B4GALNT1: variants seen among roughly 807,000 people sequenced by gnomAD.
The protein encoded by B4GALNT1 is beta-1,4 N-acetylgalactosaminyltransferase 1.
Under a neutral mutation model 55.2 loss-of-function variants are expected in B4GALNT1, and 43 were observed. The ratio of observed to expected loss-of-function variants is 0.78; its 90% CI spans 0.61 to 1.00. B4GALNT1 has a LOEUF of 1.00. Among genes scored for constraint, B4GALNT1 ranks in the 50% least tolerant of loss-of-function variants. The pLI, the probability that B4GALNT1 is intolerant of heterozygous loss-of-function variation, is 0.00. For missense variants in B4GALNT1, 664 were observed against 729.7 expected (o/e 0.91, Z 1.04); for synonymous variants, 305 against 311.6 (o/e 0.98, Z 0.22).
At position 57,630,250 on chromosome 12, in the gene B4GALNT1, T is replaced by G. The variant is rs1885110959; in HGVS notation, c.614A>C (p.Asp205Ala). 3 of 1,614,110 alleles carry G rather than the reference T, an allele frequency of 1.9e-6. No homozygotes were observed. The highest frequency in any genetic ancestry group is 2.5e-6 in the Non-Finnish European group (3 of 1,180,042). Residue 205 changes from aspartate to alanine, a missense_variant, in exon 6 of 11, where the codon GAT (aspartate) becomes GCT (alanine). Asp to Ala is a moderately radical substitution (Grantham distance 126). Transcript: ENST00000341156. ...GVTLTGEGQA[D>A]LTLVSPGLDQ... ...CAGCCCTGGGCTGACAAGGGTGAGA[T>G]CTGCCTGACCCTCTCCAGTGAGAGT... is the stretch of plus-strand genomic sequence containing the variant.
At chr12:57,631,162 T>TC in intron 3 of B4GALNT1, 38 bp downstream of exon 3, 1 of 1,613,294 alleles carries the variant, frequency 6.2e-7, no homozygotes, top group Non-Finnish European at 8.5e-7. Flanking sequence ...ATCACTGCTC[T>TC]CCCCCTGAGG....
chr12:57,623,760 TG>T lies in B4GALNT1; in HGVS notation c.*2983del. On this transcript the variant is annotated 3_prime_UTR_variant, in exon 11 of 11. Coordinates refer to ENST00000341156, the MANE Select transcript of B4GALNT1 (RefSeq NM_001478.5). ...GACTTCCGAGGAAGATTAGGCAGAG[TG>T]GGCAGGAAGACCAGCTCTCATGTGG... 1 of 1,257,718 alleles carries T rather than the reference TG, an allele frequency of 8.0e-7. No individual in the cohort carries two copies. Among genetic ancestry groups the T allele is most frequent in the Non-Finnish European group, 1.1e-6 (1 of 887,166 alleles). 77.9% of individuals were successfully genotyped at this position (1,257,718 alleles called of 1,614,324 possible).
intron 8 of B4GALNT1, 118 bp from the exon 9 acceptor site, chr12:57,628,380 C>A: frequency 6.8e-7 from 1 of 1,462,830 alleles, no homozygotes; most frequent in Admixed American, 2.0e-5. Flanking sequence ...CTTTTGAGTG[C>A]TTTCGAAAGG....
At position 57,632,487 on chromosome 12, in the gene B4GALNT1, A is replaced by AGCCCGCC. The variant is rs1885292086; in HGVS notation, c.-2+278_-2+284dup. The AGCCCGCC allele has an allele frequency of 8.4e-6, 3 of 356,018 alleles. No homozygotes were observed. The Admixed American group carries it at 1.3e-4, about 16-fold the overall frequency. The allele number at this position is 356,018 out of a possible 1,614,324, so 22.1% of individuals were successfully genotyped here. ...TCTATCAGGGCAGTGGCAGTCCCCA[A>AGCCCGCC]GCCCGCCGCCCGCCCTGGCCGGCGC... On this transcript the variant is annotated intron_variant, in intron 1 of 10. Coordinates refer to ENST00000341156, the MANE Select transcript of B4GALNT1 (RefSeq NM_001478.5).
In B4GALNT1 at chr12:57,630,534, G is replaced by A. The variant is rs758847558; in HGVS notation, c.491-16C>T. The A allele has an allele frequency of 1.9e-6, 3 of 1,598,162 alleles. No homozygotes were observed. The African/African-American group carries it at 4.0e-5, about 22-fold the overall frequency. Reference sequence around the variant, plus strand: ...AGGCTCAGCCCTAGGAGAAAGGAGTGGGGGGATCAGAATCACATAGGCAGC... The same window carrying A: ...AGGCTCAGCCCTAGGAGAAAGGAGTAGGGGGATCAGAATCACATAGGCAGC... On this transcript the variant is annotated splice_polypyrimidine_tract_variant and intron_variant, in intron 4 of 10. Transcript: ENST00000341156.
chr12:57,631,162 T>C, intron 3 of B4GALNT1, 38 bp downstream of exon 3: 1 of 1,613,294 alleles, frequency 6.2e-7, no homozygotes, highest in Middle Eastern at 1.7e-4. Flanking sequence ...ATCACTGCTC[T>C]CCCCCTGAGG....
At chr12:57,629,251 T>C in intron 6 of B4GALNT1, 105 bp from the exon 7 acceptor site, 3 of 928,744 alleles carry the variant, frequency 3.2e-6, no homozygotes, top group Non-Finnish European at 4.7e-6. Flanking sequence ...TTTCTAGGCC[T>C]TGGTGGACAA....
Position 57,626,289 on chromosome 12 carries a change from T to TG in B4GALNT1, c.*454dup, listed in dbSNP as rs1291187676. On this transcript the variant is annotated 3_prime_UTR_variant, in exon 11 of 11. Transcript: ENST00000341156. ...GCCCCAGAGCCACAAGTTCTCTCTGTGGGGGTGGGGCTGGAGCAGGTACAC... is the reference window on the plus strand; with the variant it reads ...GCCCCAGAGCCACAAGTTCTCTCTGTGGGGGGTGGGGCTGGAGCAGGTACAC... The TG allele has an allele frequency of 5.5e-6, 1 of 181,482 alleles. No individual in the cohort carries two copies. 11.2% of individuals were successfully genotyped at this position (181,482 alleles called of 1,614,324 possible).
intron 1 of B4GALNT1, chr12:57,632,442 C>A (rs920819347): frequency 2.1e-6 from 1 of 483,542 alleles, no homozygotes; most frequent in East Asian, 4.0e-5. Flanking sequence ...CGCGGCCGTG[C>A]GTAAGCGGAA....
chr12:57,629,853 T>C, intron 6 of B4GALNT1: 1 of 1,496,814 alleles, frequency 6.7e-7, no homozygotes, highest in South Asian at 1.3e-5. Flanking sequence ...AAGGGGTGGG[T>C]TGGGAATATA....
At chr12:57,629,983 C>A (rs770146968) in intron 6 of B4GALNT1, 169 bp downstream of exon 6, 1 of 1,539,750 alleles carries the variant, frequency 6.5e-7, no homozygotes. Flanking sequence ...AACAAAGGCC[C>A]CCTTTCTCCC....
Position 57,624,882 on chromosome 12 carries a change from G to A in B4GALNT1, c.*1862C>T, listed in dbSNP as rs1314129862. 1 of 1,614,160 alleles carries A rather than the reference G, an allele frequency of 6.2e-7. No individual in the cohort carries two copies. On this transcript the variant is annotated 3_prime_UTR_variant, in exon 11 of 11. Transcript: ENST00000341156. ...ACCTCTTAGCTCCTCCAGGTCCCGG[G>A]GCTCTGCATCCTGAGCTATCCAACA...
At chr12:57,632,309 C>G (rs1397770478) in intron 1 of B4GALNT1, 176 bp from the exon 2 acceptor site, 1 of 719,548 alleles carries the variant, frequency 1.4e-6, no homozygotes. Context: ...CCCCTCCCCT[C>G]ACTTCCCAGG....
Position 57,628,263 on chromosome 12 carries a change from C to A in B4GALNT1, c.1003-1G>T. ...CCAGGTTCCGGCCTGCGAACCAGCC[C>A]TGGCAGAAAGGTGTGTGTGGTTGGG... On this transcript the variant is annotated splice_acceptor_variant, in intron 8 of 10. Coordinates refer to ENST00000341156, the MANE Select transcript of B4GALNT1 (RefSeq NM_001478.5). LOFTEE classifies it high-confidence loss of function. 1.2e-6 allele frequency: 2 copies of A among 1,614,274 alleles called. No homozygotes were observed. The highest frequency in any genetic ancestry group is 1.7e-6 in the Non-Finnish European group (2 of 1,180,048).
rs780508636 is a variant in B4GALNT1, at chr12:57,629,076, C to T, written c.783G>A (p.Leu261=). 2 of 1,593,472 alleles carry T rather than the reference C, an allele frequency of 1.3e-6. No homozygotes were observed. The highest frequency in any genetic ancestry group is 1.1e-5 in the South Asian group (1 of 89,100). The change falls in exon 7 of 11, where the codon CTG becomes CTA. Residue 261 remains leucine (L), a synonymous_variant. Transcript: ENST00000341156. ...IRIRHPPNPR[L]YPPGSLPQGA... ...CCTGGGGTAGAGACCCAGGTGGGTA[C>T]AGCCGAGGGTTGGGCGGGTGTCTTA...
At chr12:57,629,659 G>T in intron 6 of B4GALNT1, 2 of 886,394 alleles carry the variant, frequency 2.3e-6, no homozygotes, top group African/African-American at 1.7e-5. Context: ...ACAAGAAGAA[G>T]CCAGTCTGCA....
chr12:57,626,807 G>C lies in B4GALNT1; in HGVS notation c.1539C>G (p.Ser513Arg). ...AGAGCAGCCGGTGTTTGGCCATCTG[G>C]CTCTCGTCCAGTGATCCTGGGTAAC... ...RYRYPGSLDE[S>R]QMAKHRLLFF... The change falls in exon 11 of 11, where the codon AGC (serine) becomes AGG (arginine). Residue 513 changes from serine to arginine, a missense_variant. Coordinates refer to ENST00000341156, the MANE Select transcript of B4GALNT1 (RefSeq NM_001478.5). 1 of 1,614,224 alleles carries C rather than the reference G, an allele frequency of 6.2e-7. No homozygotes were observed. The highest frequency in any genetic ancestry group is 1.3e-5 in the African/African-American group (1 of 75,050).
At chr12:57,629,266 A>C in intron 6 of B4GALNT1, 120 bp from the exon 7 acceptor site, 2 of 799,536 alleles carry the variant, frequency 2.5e-6, no homozygotes, top group Non-Finnish European at 3.8e-6. Flanking sequence ...GGACAAGAAC[A>C]GAAGGTTCTT....
Position 57,630,496 on chromosome 12 carries a change from A to G in B4GALNT1, c.513T>C (p.Ser171=), listed in dbSNP as rs534062870. The change falls in exon 5 of 11, where the codon TCT becomes TCC. Residue 171 remains serine, a synonymous_variant. Transcript: ENST00000341156. ...CTCTCACCTGGTATACCTCCTGACC[A>G]GAAGCTGCCTGAAGGCTCAGCCCTA... ...LVPGLSLQAA[S]GQEVYQVNLT... is the part of the protein sequence containing the mutation. 6.2e-7 allele frequency: 1 copy of G among 1,609,360 alleles called. No homozygotes were observed. Among genetic ancestry groups the G allele is most frequent in the African/African-American group, 1.3e-5 (1 of 74,870 alleles).
Sources: allele counts gnomAD v4.1 joint callset, GRCh38; gene constraint gnomAD v4.1.1; transcripts MANE v1.5; gene names NCBI Gene and HGNC (gene_info 2026-07-23, HGNC 2026-07-21).